The following ANKS1B variants were observed in gnomAD, a reference collection of about 807,000 sequenced individuals.
ANKS1B encodes the protein ankyrin repeat and sterile alpha motif domain containing 1B, also known as ankyrin repeat and sterile alpha motif domain-containing protein 1B.
Under a neutral mutation model 148.3 loss-of-function variants are expected in ANKS1B, and 36 were observed. That is an observed-to-expected ratio of 0.24 (90% CI 0.19 to 0.32). The LOEUF is 0.32. Ranked by LOEUF, ANKS1B falls within the 10% of genes least tolerant of loss-of-function variation. The pLI is 1.00. For missense variants in ANKS1B, 1,157 were observed against 1,542.6 expected (o/e 0.75, Z 4.19); for synonymous variants, 542 against 560.8 (o/e 0.97, Z 0.47).
rs557845276 is a variant in ANKS1B at position 98,996,038 on chromosome 12, G to A, written c.2778+57119C>T. On this transcript the variant is annotated intron_variant, in intron 17 of 26. Coordinates refer to ENST00000683438, the MANE Select transcript of ANKS1B (RefSeq NM_001352186.2). ...GAAGGACTAGAGGGAACAATTGCTGGAACTCATCTGGGGCTGGAATAGTTC... is the reference window on the plus strand; with the variant it reads ...GAAGGACTAGAGGGAACAATTGCTGAAACTCATCTGGGGCTGGAATAGTTC... Among the ~76,000 whole-genome samples, 200 of 125,082 alleles carry A rather than the reference G, an allele frequency of 1.6e-3. 1 individual carries two copies. The highest frequency in any genetic ancestry group is 7.2e-3 in the African/African-American group (190 of 26,328). 82.1% of individuals were successfully genotyped at this position (125,082 alleles called of 152,430 possible).
chr12:98,953,305 G>A (rs545416188), intron 17 of ANKS1B, among the ~76,000 whole-genome samples: 2 of 152,160 alleles, frequency 1.3e-5, no homozygotes, highest in Non-Finnish European at 2.9e-5. Flanking sequence ...ACAGGTGTGA[G>A]CCACTGCGCT....
At chr12:99,367,882 A>T (rs1475541663) in intron 12 of ANKS1B, among the ~76,000 whole-genome samples, 1 of 152,110 alleles carries the variant, frequency 6.6e-6, no homozygotes, top group East Asian at 1.9e-4. Flanking sequence ...AGATGGAAAG[A>T]AGAATTTTCT....
chr12:99,785,466 C>T (rs2064917759), intron 4 of ANKS1B, among the ~76,000 whole-genome samples: 2 of 151,892 alleles, frequency 1.3e-5, no homozygotes, highest in African/African-American at 4.8e-5. Context: ...TGGAGTCTTG[C>T]TCTCTCGCCC....
chr12:99,484,770 T>TTTTG (rs201726572), intron 10 of ANKS1B, among the ~76,000 whole-genome samples: 3,432 of 148,540 alleles, frequency 0.023, 52 homozygotes, highest in Middle Eastern at 0.041. Flanking sequence ...GTGTGTTTTT[T>TTTTG]TTTTTTTTTT....
At position 99,152,764 on chromosome 12, in the gene ANKS1B, C is replaced by G. The variant is rs151048052; in HGVS notation, c.2526+1525G>C. On this transcript the variant is annotated intron_variant, in intron 15 of 26. Coordinates refer to ENST00000683438, the MANE Select transcript of ANKS1B (RefSeq NM_001352186.2). ...ATGAGAAACCCTTATTTCAAGTAGA[C>G]ATAGGGAGAAATAATTAAGATATTG... 2.9e-3 allele frequency among the ~76,000 whole-genome samples: 447 copies of G among 152,110 alleles called. 3 individuals are homozygous for G. The highest frequency in any genetic ancestry group is 5.5e-3 in the Non-Finnish European group (375 of 67,980).
At chr12:99,539,008 T>TA (rs1233368817) in intron 9 of ANKS1B, among the ~76,000 whole-genome samples, 8 of 152,212 alleles carry the variant, frequency 5.3e-5, no homozygotes, top group Admixed American at 5.2e-4. Context: ...ATATGGTTTT[T>TA]ATCCTTCATT....
chr12:99,754,202 G>A (rs1278719023), intron 8 of ANKS1B, among the ~76,000 whole-genome samples: 1 of 151,916 alleles, frequency 6.6e-6, no homozygotes, highest in African/African-American at 2.4e-5. Context: ...AAAAGCAAGG[G>A]TTGCTATTCT....
intron 12 of ANKS1B, among the ~76,000 whole-genome samples, chr12:99,335,442 G>A (rs1221679000): frequency 6.7e-6 from 1 of 149,574 alleles, no homozygotes; most frequent in Non-Finnish European, 1.5e-5. Context: ...TCAAATACTA[G>A]ATCCTATTCA....
chr12:98,867,374 C>A (rs57645633), intron 17 of ANKS1B, among the ~76,000 whole-genome samples: 1 of 152,190 alleles, frequency 6.6e-6, no homozygotes, highest in African/African-American at 2.4e-5. Flanking sequence ...AAAATGTAAT[C>A]TATTTCCTAC....
chr12:99,675,185 A>G (rs2153474537), intron 8 of ANKS1B, among the ~76,000 whole-genome samples: 1 of 152,168 alleles, frequency 6.6e-6, no homozygotes, highest in South Asian at 2.1e-4. Flanking sequence ...AAGAATCTTT[A>G]AAAAGTTTCT....
intron 24 of ANKS1B, among the ~76,000 whole-genome samples, chr12:98,778,187 G>C (rs2098699537): frequency 6.6e-6 from 1 of 152,156 alleles, no homozygotes; most frequent in African/African-American, 2.4e-5. Flanking sequence ...CATAAAATAT[G>C]AACAGTAGGC....
At chr12:99,609,505 G>A (rs2097881487) in intron 9 of ANKS1B, among the ~76,000 whole-genome samples, 3 of 151,556 alleles carry the variant, frequency 2.0e-5, no homozygotes, top group Admixed American at 2.0e-4. Flanking sequence ...AGCAATGATG[G>A]TGGAGATGAC....
At chr12:98,947,987 T>G (rs1597405717) in intron 17 of ANKS1B, among the ~76,000 whole-genome samples, 4 of 152,180 alleles carry the variant, frequency 2.6e-5, no homozygotes, top group Admixed American at 1.3e-4. Flanking sequence ...AATTACAGCC[T>G]CTATCTTTAG....
chr12:99,248,589 G>T (rs1342695581), intron 12 of ANKS1B, among the ~76,000 whole-genome samples: 1 of 152,166 alleles, frequency 6.6e-6, no homozygotes, highest in Non-Finnish European at 1.5e-5. Context: ...TCACAACAGA[G>T]ACCATTCTAG....
At chr12:98,860,296 T>C (rs1447120098) in intron 17 of ANKS1B, among the ~76,000 whole-genome samples, 2 of 152,250 alleles carry the variant, frequency 1.3e-5, no homozygotes, top group Non-Finnish European at 2.9e-5. Context: ...CTGTCCTGTG[T>C]CAGCTCTTCA....
At chr12:98,813,118 G>A (rs1214590730) in intron 19 of ANKS1B, among the ~76,000 whole-genome samples, 2 of 152,084 alleles carry the variant, frequency 1.3e-5, no homozygotes, top group Non-Finnish European at 2.9e-5. Context: ...TTGAAGTACT[G>A]AGTTTTGAAA....
At chr12:99,099,685 T>C (rs2057394652) in intron 15 of ANKS1B, 1 of 152,246 alleles carries the variant, frequency 6.6e-6, no homozygotes, top group Non-Finnish European at 1.5e-5. Flanking sequence ...TATTCCTTCA[T>C]AGGAGTTAAA....
At chr12:99,191,419 A>G (rs2080685323) in intron 14 of ANKS1B, among the ~76,000 whole-genome samples, 1 of 152,240 alleles carries the variant, frequency 6.6e-6, no homozygotes, top group Non-Finnish European at 1.5e-5. Context: ...GACACTGTTC[A>G]CAATAGCAAA....
chr12:99,245,357 C>T (rs778230719), intron 13 of ANKS1B, among the ~76,000 whole-genome samples: 1 of 152,146 alleles, frequency 6.6e-6, no homozygotes, highest in Non-Finnish European at 1.5e-5. Context: ...TAACCATCTA[C>T]TAGTATGGAA....
Sources: allele counts gnomAD v4.1 joint callset (sites outside exome capture counted in the v4.1 genomes callset), GRCh38; gene constraint gnomAD v4.1.1; transcripts MANE v1.5; gene names NCBI Gene and HGNC (gene_info 2026-07-23, HGNC 2026-07-21).